The following LOXL4 variants were observed in gnomAD, a reference collection of about 807,000 sequenced individuals.
The protein encoded by LOXL4 is lysyl oxidase like 4, also known as lysyl oxidase homolog 4.
In LOXL4, 72 loss-of-function variants were observed where a neutral mutation model predicts 89.1. The observed-to-expected ratio is 0.81, with a 90% confidence interval of 0.67 to 0.98. LOXL4 has a LOEUF of 0.98. Ranked by LOEUF, LOXL4 falls within the 50% of genes least tolerant of loss-of-function variation. LOXL4 has a pLI of 0.00. For missense variants in LOXL4, 984 were observed against 1,017.5 expected, an observed-to-expected ratio of 0.97 and a Z score of 0.45; for synonymous variants, 355 against 392.1, an observed-to-expected ratio of 0.91 and a Z score of 1.12.
At chr10:98,255,934 C>T (rs1858348881) in intron 9 of LOXL4, 195 bp from the exon 10 acceptor site, 1 of 562,616 alleles carries the variant, frequency 1.8e-6, no homozygotes, top group South Asian at 3.1e-5. Flanking sequence ...TTAGAAATCC[C>T]CACCACATAT....
chr10:98,259,056 A>T lies in LOXL4; in HGVS notation c.874T>A (p.Phe292Ile). 1 of 1,571,264 alleles carries T rather than the reference A, an allele frequency of 6.4e-7. No homozygotes were observed. The highest frequency in any genetic ancestry group is 1.2e-5 in the South Asian group (1 of 86,168). Residue 292 changes from phenylalanine (F) to isoleucine (I), a missense_variant, in exon 6 of 15, where the codon TTC (phenylalanine) becomes ATC (isoleucine). Physicochemically the swap from Phe to Ile is conservative, Grantham distance 21. Transcript: ENST00000260702. ...AVVSCVAGPH[F>I]RPPKTKPQRK... ...TGTGGCTTTGTCTTCGGTGGGCGGA[A>T]GTGAGGCCCTGCCACACAGCTGACC...
chr10:98,255,847 CCTGGGCCT>C, intron 9 of LOXL4, 108 bp from the exon 10 acceptor site: 3 of 1,346,220 alleles, frequency 2.2e-6, no homozygotes, highest in Non-Finnish European at 3.0e-6. Context: ...TTGTGTCCAG[CCTGGGCCT>C]GAAAATCTTC....
At chr10:98,266,045 G>C (rs1858676251) in intron 1 of LOXL4, among the ~76,000 whole-genome samples, 1 of 152,162 alleles carries the variant, frequency 6.6e-6, no homozygotes, top group African/African-American at 2.4e-5. Context: ...CCAGCTGGCT[G>C]TCCCATGAGC....
chr10:98,256,400 G>A, intron 9 of LOXL4: 1 of 257,852 alleles, frequency 3.9e-6, no homozygotes, highest in Non-Finnish European at 7.3e-6. Context: ...TCTTGCCCCT[G>A]CCTCCTCTGC....
Position 98,259,120 on chromosome 10 carries a change from G to A in LOXL4, c.810C>T (p.Gly270=), listed in dbSNP as rs1858468267. ...CACCTGGGCAGGCTGGCCGCAGCTT[G>A]CCCCGGGCTGGAGCCACCTGCACCT... ...NCQVQVAPAR[G]KLRPACPGGM... The change falls in exon 6 of 15, where the codon GGC becomes GGT. Residue 270 remains glycine (G), a synonymous_variant. Coordinates refer to ENST00000260702, the MANE Select transcript of LOXL4 (RefSeq NM_032211.7). The A allele has an allele frequency of 7.5e-6, 12 of 1,609,276 alleles. No individual in the cohort carries two copies. The East Asian group carries it at 2.5e-4, about 33-fold the overall frequency.
intron 14 of LOXL4, among the ~76,000 whole-genome samples, chr10:98,249,744 C>T (rs1007889302): frequency 6.6e-6 from 1 of 152,188 alleles, no homozygotes; most frequent in Admixed American, 6.5e-5. Flanking sequence ...ACCCTTGCAG[C>T]CTGATTCTAG....
chr10:98,264,690 G>A (rs1454199626), intron 1 of LOXL4, among the ~76,000 whole-genome samples: 3 of 152,126 alleles, frequency 2.0e-5, no homozygotes, highest in Non-Finnish European at 4.4e-5. Flanking sequence ...GAAGGGCATA[G>A]AGGAGAGAGT....
intron 10 of LOXL4, 146 bp from the exon 11 acceptor site, chr10:98,253,942 G>A (rs1858285154): frequency 2.0e-6 from 2 of 992,624 alleles, no homozygotes; most frequent in Non-Finnish European, 2.9e-6. Flanking sequence ...TCAGGAGATG[G>A]TGAGTTCTAA....
In LOXL4 at chr10:98,248,249, C is replaced by T. The variant is rs1858093495; in HGVS notation, c.*672G>A. The T allele has an allele frequency of 6.6e-6, 1 of 152,258 alleles. No individual in the cohort carries two copies. The highest frequency in any genetic ancestry group is 2.1e-4 in the South Asian group (1 of 4,828). 9.4% of individuals were successfully genotyped at this position (152,258 alleles called of 1,614,324 possible). ...CTGGCCATTTCTGTGAAACTTGCCC[C>T]TTCTCAAGCACTCCGTAACTGTTGG... On this transcript the variant is annotated 3_prime_UTR_variant, in exon 15 of 15. Transcript: ENST00000260702.
Position 98,253,807 on chromosome 10 carries a change from G to A in LOXL4, c.1592-11C>T, listed in dbSNP as rs529099200. The A allele has an allele frequency of 4.3e-5, 70 of 1,613,472 alleles. No individual in the cohort carries two copies. Among genetic ancestry groups the A allele is most frequent in the Non-Finnish European group, 5.4e-5 (64 of 1,179,914 alleles). Reference sequence around the variant, plus strand: ...CCAGGTCTGGTGCACCTGGGGCGGCGGAGGGCATGGCAGTGACTCAAAGGG... The same window carrying A: ...CCAGGTCTGGTGCACCTGGGGCGGCAGAGGGCATGGCAGTGACTCAAAGGG... On this transcript the variant is annotated splice_polypyrimidine_tract_variant and intron_variant, in intron 10 of 14. Transcript: ENST00000260702.
rs766638795 is a variant in LOXL4 at position 98,251,686 on chromosome 10, G to C, written c.1968C>G (p.Tyr656Ter). The change falls in exon 13 of 15, where the codon TAC (tyrosine) becomes TAG (stop). Residue 656 changes from tyrosine (Y) to a stop codon, truncating the protein, a stop_gained. Coordinates refer to ENST00000260702, the MANE Select transcript of LOXL4 (RefSeq NM_032211.7). LOFTEE classifies it high-confidence loss of function. The stretch of plus-strand genomic sequence containing the variant: ...CCTGTTCTCCAAAGTTGGCACATGC[G>C]TAGCGCCGCTGCAGTCCTGTAAGGA... ...TNCPTGLQRR[Y>*]ACANFGEQGV... 1.2e-6 allele frequency: 2 copies of C among 1,614,210 alleles called. No individual in the cohort carries two copies. Among genetic ancestry groups the C allele is most frequent in the Non-Finnish European group, 1.7e-6 (2 of 1,180,026 alleles).
Position 98,252,447 on chromosome 10 carries a change from G to T in LOXL4, c.1857C>A (p.Val619=), listed in dbSNP as rs775937122. 6.2e-6 allele frequency: 10 copies of T among 1,613,940 alleles called. No individual in the cohort carries two copies. In the South Asian group the frequency reaches 9.9e-5, roughly 16 times the overall value. ...QCHRHYHSIE[V]FTHYDLLTLN... ...GAGTGAGGAGGTCGTAGTGGGTGAA[G>T]ACCTCAATGCTGTGGTAATGCCTGC... The change falls in exon 12 of 15, where the codon GTC becomes GTA. Residue 619 remains valine, a synonymous_variant. Coordinates refer to ENST00000260702, the MANE Select transcript of LOXL4 (RefSeq NM_032211.7).
At position 98,262,894 on chromosome 10, in the gene LOXL4, C is replaced by T. The variant is rs1208693593; in HGVS notation, c.126G>A (p.Glu42=). The T allele has an allele frequency of 1.9e-6, 3 of 1,613,534 alleles. No individual in the cohort carries two copies. Among genetic ancestry groups the T allele is most frequent in the African/African-American group, 2.7e-5 (2 of 74,938 alleles). The change falls in exon 2 of 15, where the codon GAG becomes GAA. Residue 42 remains glutamate (E), a synonymous_variant. Transcript: ENST00000260702. ...GGTGCAGCACCTCCAGGCGGCCCTCCTCTGGCTTGCTCTCTGGGCCCACCA... is the reference window on the plus strand; with the variant it reads ...GGTGCAGCACCTCCAGGCGGCCCTCTTCTGGCTTGCTCTCTGGGCCCACCA... ...LRLVGPESKP[E]EGRLEVLHQG...
chr10:98,261,281 A>G (rs1239127750), intron 3 of LOXL4, among the ~76,000 whole-genome samples, 154 bp from the exon 4 acceptor site: 1 of 152,210 alleles, frequency 6.6e-6, no homozygotes, highest in Non-Finnish European at 1.5e-5. Context: ...TGAGGCCCAG[A>G]GAAGGGGAGG....
chr10:98,247,692 T>C lies in LOXL4; in HGVS notation c.*1229A>G, dbSNP rs1368665932. The C allele has an allele frequency of 2.6e-5, 4 of 152,358 alleles. No homozygotes were observed. Among genetic ancestry groups the C allele is most frequent in the East Asian group, 3.9e-4 (2 of 5,172 alleles). 9.4% of individuals were successfully genotyped at this position (152,358 alleles called of 1,614,324 possible). ...ACATAATCACAGCTGGTCTGGTCTTTGTAGCAGTCCATAATGAGCAACTTT... is the reference window on the plus strand; with the variant it reads ...ACATAATCACAGCTGGTCTGGTCTTCGTAGCAGTCCATAATGAGCAACTTT... On this transcript the variant is annotated 3_prime_UTR_variant, in exon 15 of 15. Transcript: ENST00000260702.
intron 2 of LOXL4, 44 bp from the exon 3 acceptor site, chr10:98,262,257 G>A (rs749977500): frequency 5.6e-6 from 9 of 1,597,232 alleles, no homozygotes; most frequent in South Asian, 1.1e-5. Flanking sequence ...AGAGAGGCAG[G>A]TCACAGGCTC....
intron 14 of LOXL4, 134 bp downstream of exon 14, chr10:98,250,931 C>G: frequency 6.1e-6 from 4 of 660,192 alleles, no homozygotes; most frequent in South Asian, 5.3e-5. Flanking sequence ...AAATGCATCT[C>G]TGTTCCATCC....
chr10:98,262,645 G>A lies in LOXL4; in HGVS notation c.277+98C>T, dbSNP rs1858577565. 4 of 1,436,600 alleles carry A rather than the reference G, an allele frequency of 2.8e-6. No individual in the cohort carries two copies. In the African/African-American group the frequency reaches 4.2e-5, roughly 15 times the overall value. 89.0% of individuals were successfully genotyped at this position (1,436,600 alleles called of 1,614,324 possible). On this transcript the variant is annotated intron_variant, in intron 2 of 14. Coordinates refer to ENST00000260702, the MANE Select transcript of LOXL4 (RefSeq NM_032211.7). ...AAATGCCGTGTGGAGGAGGTCACAT[G>A]AGCAGGGTATTAAAGGATGGGTGGG...
chr10:98,253,654 G>A lies in LOXL4; in HGVS notation c.1734C>T (p.Tyr578=), dbSNP rs200018281. 111 of 1,614,200 alleles carry A rather than the reference G, an allele frequency of 6.9e-5. 1 individual carries two copies. The Middle Eastern group carries it at 8.2e-4, about 12-fold the overall frequency. Reference sequence around the variant, plus strand: ...GTGTGGAGAAGCGCAATAGGCGGCGGTATCCGTAGGGCCAGTCCATGTGAT... The same window carrying A: ...GTGTGGAGAAGCGCAATAGGCGGCGATATCCGTAGGGCCAGTCCATGTGAT... The part of the protein sequence containing the change: ...SADHMDWPYG[Y]RRLLRFSTQI... Residue 578 remains tyrosine, a synonymous_variant, in exon 11 of 15, where the codon TAC becomes TAT. Coordinates refer to ENST00000260702, the MANE Select transcript of LOXL4 (RefSeq NM_032211.7).
Sources: allele counts gnomAD v4.1 joint callset (sites outside exome capture counted in the v4.1 genomes callset), GRCh38; gene constraint gnomAD v4.1.1; transcripts MANE v1.5; gene names NCBI Gene and HGNC (gene_info 2026-07-23, HGNC 2026-07-21).